Variants in ZNF219 observed in about 807,000 individuals in gnomAD.
The protein encoded by ZNF219 is zinc finger protein 219.
In ZNF219, 17 loss-of-function variants were observed where a neutral mutation model predicts 54.4. That is an observed-to-expected ratio of 0.31 (90% CI 0.21 to 0.47). ZNF219 has a LOEUF of 0.47. ZNF219 is among the 20% of genes least tolerant of loss of function. The probability of loss-of-function intolerance (pLI) is 1.00; values close to 1 mark genes in which losing one functional copy is unlikely to be tolerated. For synonymous variants in ZNF219, 518 were observed against 476.4 expected, an observed-to-expected ratio of 1.09 and a Z score of -1.14; for missense variants, 1,014 against 1,062.3, an observed-to-expected ratio of 0.95 and a Z score of 0.63.
upstream of ZNF219, chr14:21,101,738 C>G (rs1889645162): frequency 1.3e-6 from 1 of 749,920 alleles, no homozygotes; most frequent in East Asian, 2.7e-5. Context: ...CACGTCCTTG[C>G]TCTGGGTTGA....
At chr14:21,102,809 G>T, upstream of ZNF219, 2 of 1,541,782 alleles carry the variant, frequency 1.3e-6, no homozygotes, top group Non-Finnish European at 1.7e-6. Flanking sequence ...AGCACGAATA[G>T]CTAGCTGCCA....
In ZNF219 at chr14:21,090,886, G is replaced by T; in HGVS notation, c.1819C>A (p.Arg607=). 1 of 1,550,670 alleles carries T rather than the reference G, an allele frequency of 6.4e-7. No homozygotes were observed. The highest frequency in any genetic ancestry group is 8.7e-7 in the Non-Finnish European group (1 of 1,150,248). Residue 607 remains arginine, a synonymous_variant, in exon 5 of 5, where the codon CGG becomes AGG. Transcript: ENST00000360947. The surrounding 1 kb of genome is among the most constrained non-coding windows in gnomAD (Gnocchi z 4.4). ...GTCCTCCCAGGGCTGGCGGGCTTCC[G>T]ACGGGACCCCGGCCCAGCACCGCTA... ...PSSGAGPGSR[R]KPASPGRTLR...
Position 21,090,858 on chromosome 14 carries a change from A to G in ZNF219, c.1847T>C (p.Leu616Pro), listed in dbSNP as rs752134855. The change falls in exon 5 of 5, where the codon CTG becomes CCG. Residue 616 changes from leucine (L) to proline (P), a missense_variant. Coordinates refer to ENST00000360947, the MANE Select transcript of ZNF219 (RefSeq NM_016423.3). The surrounding 1 kb of genome is among the most constrained non-coding windows in gnomAD (Gnocchi z 4.4). ...GGCCTCACCGCCTCGCCCGTTGCGC[A>G]GGGTCCTCCCAGGGCTGGCGGGCTT... ...RRKPASPGRTLRNGRGGEAEP... is the reference protein window; with the variant it reads ...RRKPASPGRTPRNGRGGEAEP... 1 of 1,554,920 alleles carries G rather than the reference A, an allele frequency of 6.4e-7. No individual in the cohort carries two copies. Among genetic ancestry groups the G allele is most frequent in the South Asian group, 1.2e-5 (1 of 84,538 alleles).
chr14:21,104,018 A>G (rs1324436469), intron 1 of ZNF219: 1 of 152,252 alleles, frequency 6.6e-6, no homozygotes, highest in Non-Finnish European at 1.5e-5. Flanking sequence ...AAGTCCTGAG[A>G]CTTGGAGCGC....
intron 2 of ZNF219, 68 bp downstream of exon 2, chr14:21,093,518 G>A (rs1219034292): frequency 1.3e-6 from 2 of 1,564,964 alleles, no homozygotes; most frequent in Admixed American, 1.7e-5. Context: ...CAAAGAGAGA[G>A]AGAGGTAGGC....
Position 21,091,090 on chromosome 14 carries a change from C to A in ZNF219, c.1615G>T (p.Gly539Cys). The A allele has an allele frequency of 1.3e-6, 2 of 1,576,012 alleles. No individual in the cohort carries two copies. The highest frequency in any genetic ancestry group is 2.3e-5 in the East Asian group (1 of 43,168). Residue 539 changes from glycine (G) to cysteine (C), a missense_variant, in exon 5 of 5, where the codon GGC becomes TGC. By Grantham distance (159) the Gly-to-Cys change is radical. This residue lies in a region of ZNF219 where 281 missense variants were observed against 271.2 expected (regional missense o/e 1.04). Transcript: ENST00000360947. ...PHCDYAGTQS[G>C]SLKYHLQRHH... ...CGCTGTAGGTGATACTTGAGCGAGC[C>A]GGACTGGGTGCCCGCGTAGTCGCAG...
Position 21,093,123 on chromosome 14 carries a change from G to T in ZNF219, c.174C>A (p.Pro58=). 6.2e-7 allele frequency: 1 copy of T among 1,610,174 alleles called. No homozygotes were observed. The highest frequency in any genetic ancestry group is 8.5e-7 in the Non-Finnish European group (1 of 1,179,208). The change falls in exon 3 of 5, where the codon CCC becomes CCA. Residue 58 remains proline, a synonymous_variant. Coordinates refer to ENST00000360947, the MANE Select transcript of ZNF219 (RefSeq NM_016423.3). ...SESRAGERRF[P]CPVCGKRFRF... ...GGAAGCGCTTCCCGCATACAGGGCA[G>T]GGGAAGCGCCGTTCGCCTGCACGAC...
intron 1 of ZNF219, among the ~76,000 whole-genome samples, chr14:21,094,905 AC>A (rs1179914189): frequency 8.5e-5 from 7 of 82,134 alleles, no homozygotes; most frequent in South Asian, 4.3e-4. Context: ...TGTGGGTCTA[AC>A]CTTTTTTTTT....
chr14:21,092,237 A>G lies in ZNF219; in HGVS notation c.1060T>C (p.Tyr354His). The G allele has an allele frequency of 6.9e-7, 1 of 1,453,232 alleles. No homozygotes were observed. Among genetic ancestry groups the G allele is most frequent in the Admixed American group, 2.6e-5 (1 of 38,366 alleles). 90.0% of individuals were successfully genotyped at this position (1,453,232 alleles called of 1,614,324 possible). A position where few individuals can be genotyped will look rare whatever the true frequency, so the allele number is the denominator to read the frequency against. The change falls in exon 3 of 5, where the codon TAT becomes CAT. Residue 354 changes from tyrosine (Y) to histidine (H), a missense_variant. Tyr to His is a moderately conservative substitution (Grantham distance 83). This residue lies in a region of ZNF219 where 272 missense variants were observed against 248.9 expected (regional missense o/e 1.09). Coordinates refer to ENST00000360947, the MANE Select transcript of ZNF219 (RefSeq NM_016423.3). The part of the protein sequence containing the change: ...PQPPDLGLLA[Y>H]EPLGPALLLA... ...AGGAGCGCTGGGCCCAACGGCTCAT[A>G]GGCCAGCAGGCCGAGGTCAGGAGGC...
chr14:21,090,669 G>T lies in ZNF219; in HGVS notation c.2036C>A (p.Pro679His), dbSNP rs774505003. The T allele has an allele frequency of 6.2e-7, 1 of 1,612,176 alleles. No individual in the cohort carries two copies. The highest frequency in any genetic ancestry group is 1.7e-5 in the Admixed American group (1 of 59,970). ...HSRRARGRRPPQADASPPYAR... is the reference protein window; with the variant it reads ...HSRRARGRRPHQADASPPYAR... ...ATAGGGCGGGGACGCGTCAGCCTGGGGTGGCCGGCGGCCCCTAGCCCGGCG... is the reference window on the plus strand; with the variant it reads ...ATAGGGCGGGGACGCGTCAGCCTGGTGTGGCCGGCGGCCCCTAGCCCGGCG... The change falls in exon 5 of 5, where the codon CCC (proline) becomes CAC (histidine). Residue 679 changes from proline to histidine, a missense_variant. Pro to His is a moderately conservative substitution (Grantham distance 77, BLOSUM62 -2). Transcript: ENST00000360947. This position sits in a 1 kb window ranked among gnomAD's most constrained non-coding sequence, Gnocchi z 4.4.
At chr14:21,102,413 CATG>C, upstream of ZNF219, 1 of 1,551,628 alleles carries the variant, frequency 6.4e-7, no homozygotes, top group South Asian at 1.2e-5. Context: ...AGGTGCGGGC[CATG>C]ATGATATTCA....
At chr14:21,103,253 C>T (rs1165485062), upstream of ZNF219, 1 of 1,551,330 alleles carries the variant, frequency 6.4e-7, no homozygotes, top group South Asian at 1.2e-5. Context: ...TCTCCTTCCA[C>T]CCTGAGAGAA....
chr14:21,093,850 A>T (rs542761288), intron 1 of ZNF219, 176 bp from the exon 2 acceptor site: 37 of 594,178 alleles, frequency 6.2e-5, no homozygotes, highest in Non-Finnish European at 1.0e-4. Flanking sequence ...TTGACTTGCC[A>T]AGCCTACAAG....
intron 4 of ZNF219, 53 bp downstream of exon 4, chr14:21,091,358 A>C (rs1056998068): frequency 1.3e-6 from 2 of 1,563,144 alleles, no homozygotes; most frequent in Admixed American, 3.6e-5. Context: ...GGTAGCCCTC[A>C]CCTTTCTGCC....
At chr14:21,101,342 C>G (rs1456964742), upstream of ZNF219, 1 of 1,551,350 alleles carries the variant, frequency 6.4e-7, no homozygotes, top group South Asian at 1.2e-5. Context: ...GGCAAAGGAG[C>G]CATGGAAGAT....
In ZNF219 at chr14:21,098,419, C is replaced by A. The variant is rs1476809596; in HGVS notation, c.-191G>T. 3.4e-6 allele frequency: 2 copies of A among 588,164 alleles called. No homozygotes were observed. The highest frequency in any genetic ancestry group is 4.2e-6 in the Non-Finnish European group (2 of 472,320). The allele number at this position is 588,164 out of a possible 1,614,324, so 36.4% of individuals were successfully genotyped here. ...TTACGTGGGGCCGGGGGAGATGCGCCGGGCCCCGGCCCCCCCGCCCCCGGC... is the reference window on the plus strand; with the variant it reads ...TTACGTGGGGCCGGGGGAGATGCGCAGGGCCCCGGCCCCCCCGCCCCCGGC... On this transcript the variant is annotated 5_prime_UTR_variant, in exon 1 of 5. Coordinates refer to ENST00000360947, the MANE Select transcript of ZNF219 (RefSeq NM_016423.3).
intron 1 of ZNF219, among the ~76,000 whole-genome samples, chr14:21,098,026 T>G (rs1478256935): frequency 7.1e-5 from 7 of 98,344 alleles, no homozygotes; most frequent in African/African-American, 2.4e-4. Flanking sequence ...CCGTTGGCCC[T>G]TCCCTTTGGT....
At chr14:21,101,901 CT>C, upstream of ZNF219, 1 of 1,551,618 alleles carries the variant, frequency 6.4e-7, no homozygotes, top group Non-Finnish European at 8.7e-7. Flanking sequence ...TGTGGTGCCC[CT>C]TGCTGTCTCA....
intron 1 of ZNF219, among the ~76,000 whole-genome samples, chr14:21,096,934 G>C (rs937872455): frequency 3.3e-5 from 5 of 152,212 alleles, no homozygotes; most frequent in African/African-American, 4.8e-5. Flanking sequence ...CTGGGGTCCA[G>C]TTGTAACTGC....
Sources: gnomAD v4.1 joint callset for allele counts (sites outside exome capture counted in the v4.1 genomes callset) on GRCh38, gnomAD v4.1.1 for gene constraint, gnomAD v4.1.1 regional missense constraint, Gnocchi (gnomAD v3.1) non-coding constraint, MANE v1.5 for transcripts, NCBI Gene and HGNC (gene_info 2026-07-23, HGNC 2026-07-21) for gene names.